The following KLF12 variants were observed in gnomAD, a reference collection of about 807,000 sequenced individuals.
The protein encoded by KLF12 is KLF transcription factor 12, also known as Krueppel-like factor 12.
Under a neutral mutation model 37.8 loss-of-function variants are expected in KLF12, and 9 were observed. The observed-to-expected ratio is 0.24, with a 90% CI of 0.14 to 0.42. KLF12 has a LOEUF of 0.42. Among genes scored for constraint, KLF12 ranks in the 10% least tolerant of loss-of-function variants. KLF12 has a pLI of 1.00. For missense variants in KLF12, 411 were observed against 516.0 expected, an observed-to-expected ratio of 0.80 and a Z score of 1.97; for synonymous variants, 208 against 202.1, an observed-to-expected ratio of 1.03 and a Z score of -0.25.
intron 1 of KLF12, among the ~76,000 whole-genome samples, chr13:74,100,631 A>G (rs1054857763): frequency 6.6e-6 from 1 of 151,834 alleles, no homozygotes; most frequent in Non-Finnish European, 1.5e-5. Flanking sequence ...ATATATATAT[A>G]TATGTATAAA....
intron 6 of KLF12, among the ~76,000 whole-genome samples, chr13:73,747,903 A>G (rs949411090): frequency 1.3e-5 from 2 of 152,232 alleles, no homozygotes; most frequent in Non-Finnish European, 1.5e-5. Flanking sequence ...ATGTCACAGA[A>G]TGGGTCTGAG....
the KLF12 span, among the ~76,000 whole-genome samples, chr13:74,290,961 C>A: frequency 6.6e-6 from 1 of 152,176 alleles, no homozygotes; most frequent in Non-Finnish European, 1.5e-5. Flanking sequence ...AAAGAGTATG[C>A]TTAGCTGAAT....
At chr13:74,211,870 T>C in the KLF12 span, among the ~76,000 whole-genome samples, 1 of 152,196 alleles carries the variant, frequency 6.6e-6, no homozygotes, top group African/African-American at 2.4e-5. Flanking sequence ...AAAAATACCT[T>C]TTCATACTTA....
chr13:73,793,771 A>C (rs895974267), intron 5 of KLF12, among the ~76,000 whole-genome samples: 1 of 152,222 alleles, frequency 6.6e-6, no homozygotes, highest in African/African-American at 2.4e-5. Flanking sequence ...CAACAGATAC[A>C]TGTGAATCTA....
At chr13:74,214,685 C>A in the KLF12 span, among the ~76,000 whole-genome samples, 2 of 151,722 alleles carry the variant, frequency 1.3e-5, no homozygotes, top group Non-Finnish European at 2.9e-5. Context: ...ACAGCATTTA[C>A]AATATTCTGT....
At chr13:73,983,305 C>T (rs1436861855) in intron 2 of KLF12, among the ~76,000 whole-genome samples, 2 of 152,176 alleles carry the variant, frequency 1.3e-5, no homozygotes, top group South Asian at 2.1e-4. Context: ...ACAGAAGCTG[C>T]CCTATGCCAC....
In KLF12 at chr13:73,825,759, C is replaced by T. The variant is rs139736771; in HGVS notation, c.671-12472G>A. Among the ~76,000 whole-genome samples the T allele has an allele frequency of 4.6e-3, 707 of 152,258 alleles. 5 individuals carry two copies. The highest frequency in any genetic ancestry group is 0.015 in the South Asian group (72 of 4,826). On this transcript the variant is annotated intron_variant, in intron 4 of 7. Transcript: ENST00000377669. ...TCATACCGCTCTAATAATATGTATT[C>T]TAAACATCATCTGGCCTTGATTTCC...
In KLF12 at chr13:74,037,063, G is replaced by T. The variant is rs372308997; in HGVS notation, c.-31-42010C>A. ...TACTGAAAATAAAAAAATTAGCCAGGCATGGTGGTGGGCGCCTGTAATCTC... is the reference window on the plus strand; with the variant it reads ...TACTGAAAATAAAAAAATTAGCCAGTCATGGTGGTGGGCGCCTGTAATCTC... On this transcript the variant is annotated intron_variant, in intron 1 of 7. Coordinates refer to ENST00000377669, the MANE Select transcript of KLF12 (RefSeq NM_007249.5). Among the ~76,000 whole-genome samples, 679 of 152,032 alleles carry T rather than the reference G, an allele frequency of 4.5e-3. 4 individuals carry two copies. Among genetic ancestry groups the T allele is most frequent in the African/African-American group, 0.016 (651 of 41,458 alleles).
the KLF12 span, among the ~76,000 whole-genome samples, chr13:74,175,153 A>G: frequency 9.9e-5 from 15 of 152,186 alleles, no homozygotes; most frequent in African/African-American, 2.7e-4. Context: ...ACCATTGCAC[A>G]TTCAGATCCC....
At chr13:74,011,739 T>C (rs987898609) in intron 1 of KLF12, among the ~76,000 whole-genome samples, 1 of 152,222 alleles carries the variant, frequency 6.6e-6, no homozygotes, top group Non-Finnish European at 1.5e-5. Flanking sequence ...ATAGGTTATA[T>C]ACAAACAGTA....
intron 2 of KLF12, among the ~76,000 whole-genome samples, chr13:73,977,598 T>G (rs1227279109): frequency 6.6e-6 from 1 of 152,230 alleles, no homozygotes; most frequent in Non-Finnish European, 1.5e-5. Flanking sequence ...AGCAAGTTAT[T>G]TTGTAATATT....
At chr13:73,976,358 T>A (rs574223062) in intron 2 of KLF12, among the ~76,000 whole-genome samples, 1 of 152,288 alleles carries the variant, frequency 6.6e-6, no homozygotes, top group South Asian at 2.1e-4. Context: ...AAGGAACCGG[T>A]TGCTCAAGAT....
the KLF12 span, among the ~76,000 whole-genome samples, chr13:74,224,728 C>A: frequency 6.6e-6 from 1 of 152,014 alleles, no homozygotes; most frequent in Non-Finnish European, 1.5e-5. Flanking sequence ...TGTCTTATAA[C>A]CAGTTCTTAA....
chr13:73,917,162 A>G (rs1483583241), intron 3 of KLF12, among the ~76,000 whole-genome samples: 1 of 152,202 alleles, frequency 6.6e-6, no homozygotes, highest in African/African-American at 2.4e-5. Flanking sequence ...CTTAAAAGGA[A>G]ACATTCCATT....
intron 1 of KLF12, among the ~76,000 whole-genome samples, chr13:74,107,411 T>G (rs772503528): frequency 5.3e-5 from 8 of 152,176 alleles, no homozygotes; most frequent in Non-Finnish European, 1.2e-4. Flanking sequence ...TAAGTTAAAA[T>G]AAAGAAATAG....
the KLF12 span, among the ~76,000 whole-genome samples, chr13:74,206,929 T>C: frequency 1.3e-5 from 2 of 152,222 alleles, no homozygotes. Context: ...AAACCTTGTC[T>C]AAGTCATTGT....
intron 3 of KLF12, among the ~76,000 whole-genome samples, chr13:73,893,215 C>T (rs1436488848): frequency 2.6e-5 from 4 of 151,922 alleles, no homozygotes; most frequent in Non-Finnish European, 5.9e-5. Context: ...TTTCTAATGA[C>T]TAAATAAACA....
chr13:73,960,300 C>A, intron 2 of KLF12: 1 of 254,532 alleles, frequency 3.9e-6, no homozygotes, highest in South Asian at 3.7e-5. Context: ...GCATATGAGA[C>A]AGAAAAAGCA....
intron 6 of KLF12, among the ~76,000 whole-genome samples, chr13:73,737,733 C>A (rs940588400): frequency 6.6e-6 from 1 of 151,938 alleles, no homozygotes; most frequent in Admixed American, 6.6e-5. Flanking sequence ...TGGAAATATA[C>A]GAAACTGTCT....
Sources: gnomAD v4.1 joint callset for allele counts (sites outside exome capture counted in the v4.1 genomes callset) on GRCh38, gnomAD v4.1.1 for gene constraint, MANE v1.5 for transcripts, NCBI Gene and HGNC (gene_info 2026-07-23, HGNC 2026-07-21) for gene names.